Variants in CCSER1 observed in about 807,000 individuals in gnomAD.
The protein encoded by CCSER1 is coiled-coil serine rich protein 1, also known as serine-rich coiled-coil domain-containing protein 1.
CCSER1 carries 41 observed loss-of-function variants against 82.0 expected under a neutral mutation model. That is an observed-to-expected ratio of 0.50 (90% CI 0.39 to 0.65). The LOEUF is 0.65. Ranked by LOEUF, CCSER1 falls within the 30% of genes least tolerant of loss-of-function variation. CCSER1 has a pLI of 0.00. For synonymous variants in CCSER1, 414 were observed against 383.9 expected (o/e 1.08, Z -0.92); for missense variants, 1,119 against 1,064.2 (o/e 1.05, Z -0.72).
intron 9 of CCSER1, among the ~76,000 whole-genome samples, chr4:91,065,163 A>G (rs1489508717): frequency 6.6e-6 from 1 of 152,154 alleles, no homozygotes; most frequent in Non-Finnish European, 1.5e-5. Flanking sequence ...AGGAAGTATA[A>G]GGAAAGAGAA....
At chr4:90,368,323 G>A (rs6848630) in intron 3 of CCSER1, among the ~76,000 whole-genome samples, 55,881 of 151,490 alleles carry the variant, frequency 0.37, 11,038 homozygotes, top group African/African-American at 0.48. Flanking sequence ...TGATATGAAT[G>A]AATAAGTTTT....
chr4:90,911,481 T>C (rs1726348485), intron 8 of CCSER1: 4 of 305,808 alleles, frequency 1.3e-5, no homozygotes, highest in African/African-American at 4.5e-5. Flanking sequence ...TTTTGTTTTA[T>C]TTAAATAATC....
chr4:91,522,328 TTCTTTTTGCTTAGGATTG>T (rs1274346819), intron 10 of CCSER1, among the ~76,000 whole-genome samples: 1 of 152,206 alleles, frequency 6.6e-6, no homozygotes, highest in African/African-American at 2.4e-5. Flanking sequence ...CTCAGCTTTG[TTCTTTTTGCTTAGGATTG>T]TCTTGGCTAT....
intron 7 of CCSER1, among the ~76,000 whole-genome samples, chr4:90,758,982 C>T (rs898483117): frequency 6.6e-6 from 1 of 152,052 alleles, no homozygotes; most frequent in African/African-American, 2.4e-5. Flanking sequence ...TTTAGTAACA[C>T]CCTATACACT....
At position 90,127,724 on chromosome 4, in the gene CCSER1, G is replaced by A. The variant is rs980172297; in HGVS notation, c.-149G>A. On this transcript the variant is annotated 5_prime_UTR_variant, in exon 1 of 11. Transcript: ENST00000509176. ...TGGAGAGGAGCCCAACAGCCGAGAA[G>A]GGGAGGGAGGGCAGAGGAGGGGGAC... is the stretch of plus-strand genomic sequence containing the variant. 2.0e-5 allele frequency: 3 copies of A among 153,402 alleles called. No individual in the cohort carries two copies. The highest frequency in any genetic ancestry group is 7.2e-5 in the African/African-American group (3 of 41,472). 9.5% of individuals were successfully genotyped at this position (153,402 alleles called of 1,614,324 possible). A position where few individuals can be genotyped will look rare whatever the true frequency, so the allele number is the denominator to read the frequency against.
chr4:90,911,185 C>CT (rs1178718899), intron 8 of CCSER1: 1 of 422,514 alleles, frequency 2.4e-6, no homozygotes. Context: ...ATAAGTCTCC[C>CT]TTTTTTTCAA....
chr4:90,673,370 A>G (rs559150401), intron 6 of CCSER1, among the ~76,000 whole-genome samples: 3 of 152,110 alleles, frequency 2.0e-5, no homozygotes, highest in Admixed American at 1.3e-4. Flanking sequence ...ATTCACCTGT[A>G]TAGAATATCT....
At chr4:91,188,889 T>C (rs1323243277) in intron 10 of CCSER1, among the ~76,000 whole-genome samples, 1 of 152,076 alleles carries the variant, frequency 6.6e-6, no homozygotes, top group African/African-American at 2.4e-5. Context: ...AGCATACCTA[T>C]TTATATGTCC....
intron 1 of CCSER1, among the ~76,000 whole-genome samples, chr4:90,239,808 C>G (rs1369855102): frequency 6.6e-6 from 1 of 152,060 alleles, no homozygotes; most frequent in Non-Finnish European, 1.5e-5. Context: ...TTAGTTGTAG[C>G]TTGTAATTAT....
At chr4:91,252,209 C>T (rs998495929) in intron 10 of CCSER1, among the ~76,000 whole-genome samples, 4 of 151,976 alleles carry the variant, frequency 2.6e-5, no homozygotes, top group Non-Finnish European at 5.9e-5. Flanking sequence ...AAATTGTTGT[C>T]AACAAATAAT....
chr4:90,734,019 T>A (rs906054464), intron 7 of CCSER1, among the ~76,000 whole-genome samples: 2 of 152,076 alleles, frequency 1.3e-5, no homozygotes, highest in Non-Finnish European at 2.9e-5. Flanking sequence ...TCTTTTGTGA[T>A]TCCAAATTTA....
intron 10 of CCSER1, among the ~76,000 whole-genome samples, chr4:91,174,678 A>G (rs555674177): frequency 4.6e-5 from 7 of 152,150 alleles, no homozygotes; most frequent in African/African-American, 1.2e-4. Context: ...TTATCCAACT[A>G]TCTAATGTTT....
intron 1 of CCSER1, among the ~76,000 whole-genome samples, chr4:90,296,422 T>G (rs931288929): frequency 7.2e-5 from 11 of 152,002 alleles, no homozygotes; most frequent in African/African-American, 2.7e-4. Context: ...GATGCAAAAA[T>G]TTTCTCCTAT....
At chr4:91,076,967 G>A (rs1245336673) in intron 9 of CCSER1, among the ~76,000 whole-genome samples, 2 of 152,168 alleles carry the variant, frequency 1.3e-5, no homozygotes, top group Admixed American at 6.5e-5. Flanking sequence ...AATACACAAA[G>A]AGCTCTAGAA....
At chr4:91,143,462 C>A (rs1277954888) in intron 10 of CCSER1, among the ~76,000 whole-genome samples, 1 of 151,890 alleles carries the variant, frequency 6.6e-6, no homozygotes, top group Non-Finnish European at 1.5e-5. Flanking sequence ...TATTTGTATG[C>A]TTTTTATTTA....
At chr4:90,587,160 G>A (rs927366710) in intron 5 of CCSER1, among the ~76,000 whole-genome samples, 2 of 152,128 alleles carry the variant, frequency 1.3e-5, no homozygotes, top group Non-Finnish European at 2.9e-5. Flanking sequence ...GCAAGGAAAT[G>A]GATAATCTCA....
intron 10 of CCSER1, among the ~76,000 whole-genome samples, chr4:91,164,111 G>T (rs924798084): frequency 2.6e-5 from 4 of 152,110 alleles, no homozygotes; most frequent in African/African-American, 4.8e-5. Flanking sequence ...AGGAGCTCTT[G>T]TAAGGCAGGC....
At position 91,440,611 on chromosome 4, in the gene CCSER1, A is replaced by G. The variant is rs1240638605; in HGVS notation, c.2218-157961A>G. On this transcript the variant is annotated intron_variant, in intron 10 of 10. Transcript: ENST00000509176. ...AAAAGCTAGGAGAAGGCAAGAAATA[A>G]CTAAAATCAGAGCAGAACTGAAGGA... is the stretch of plus-strand genomic sequence containing the variant. Among the ~76,000 whole-genome samples the G allele has an allele frequency of 5.9e-5, 9 of 152,322 alleles. No individual in the cohort carries two copies. In the East Asian group the frequency reaches 1.7e-3, roughly 29 times the overall value.
chr4:90,480,086 G>A (rs1018771985), intron 5 of CCSER1, among the ~76,000 whole-genome samples: 16 of 152,126 alleles, frequency 1.1e-4, no homozygotes, highest in African/African-American at 3.4e-4. Context: ...GTGTGAGATG[G>A]TATCTCATTG....
Sources: allele counts gnomAD v4.1 joint callset (sites outside exome capture counted in the v4.1 genomes callset), GRCh38; gene constraint gnomAD v4.1.1; transcripts MANE v1.5; gene names NCBI Gene and HGNC (gene_info 2026-07-23, HGNC 2026-07-21).